Variants in PRICKLE2 observed in about 807,000 individuals in gnomAD.
The protein encoded by PRICKLE2 is prickle-like protein 2.
PRICKLE2 carries 21 observed loss-of-function variants against 81.4 expected under a neutral mutation model. The observed-to-expected ratio is 0.26, with a 90% CI of 0.18 to 0.37. The LOEUF (loss-of-function observed/expected upper bound fraction) is 0.37, where lower values mean the gene tolerates loss of function less well. Among genes scored for constraint, PRICKLE2 ranks in the 10% least tolerant of loss-of-function variants. The pLI is 1.00. For missense variants in PRICKLE2, 940 were observed against 1,109.0 expected (o/e 0.85, Z 2.16); for synonymous variants, 456 against 421.5 (o/e 1.08, Z -1.00).
intron 2 of PRICKLE2, among the ~76,000 whole-genome samples, chr3:64,235,174 T>G (rs2079162410): frequency 6.6e-6 from 1 of 152,222 alleles, no homozygotes; most frequent in African/African-American, 2.4e-5. Context: ...TCTAGTCAAT[T>G]TTTCATTCCA....
intron 1 of PRICKLE2, chr3:64,199,641 C>A (rs1473925856): frequency 6.6e-6 from 1 of 152,258 alleles, no homozygotes; most frequent in Non-Finnish European, 1.5e-5. Flanking sequence ...ACAAGAAGAT[C>A]ATGCATGTGA....
intron 2 of PRICKLE2, among the ~76,000 whole-genome samples, chr3:64,264,909 G>A (rs2079675297): frequency 1.3e-5 from 2 of 152,174 alleles, no homozygotes; most frequent in Admixed American, 1.3e-4. Flanking sequence ...TACACAGGCT[G>A]GCTGTTAAAA....
chr3:64,250,947 C>G (rs979173798), intron 2 of PRICKLE2, among the ~76,000 whole-genome samples: 1 of 152,198 alleles, frequency 6.6e-6, no homozygotes, highest in Admixed American at 6.5e-5. Flanking sequence ...TTTGCAGGAG[C>G]ACCCTCAGCC....
intron 2 of PRICKLE2, among the ~76,000 whole-genome samples, chr3:64,173,555 C>G (rs1020146948): frequency 6.6e-6 from 1 of 151,898 alleles, no homozygotes; most frequent in Non-Finnish European, 1.5e-5. Flanking sequence ...GAAAACTGAC[C>G]AATTGGCTCT....
intron 4 of PRICKLE2, 167 bp downstream of exon 4, chr3:64,159,773 C>A: frequency 1.3e-6 from 1 of 795,500 alleles, no homozygotes; most frequent in Non-Finnish European, 2.1e-6. Context: ...CTGACTTCCT[C>A]CCCTAGAATC....
chr3:64,185,277 A>T (rs1478292441), intron 2 of PRICKLE2, among the ~76,000 whole-genome samples: 1 of 152,126 alleles, frequency 6.6e-6, no homozygotes, highest in Non-Finnish European at 1.5e-5. Flanking sequence ...AGGGAAGTTA[A>T]TGTTTACAGA....
intron 2 of PRICKLE2, chr3:64,163,424 G>T: frequency 2.2e-6 from 1 of 458,648 alleles, no homozygotes; most frequent in Non-Finnish European, 4.0e-6. Flanking sequence ...TGAACCAGAG[G>T]GTAGGGCTTT....
intron 2 of PRICKLE2, among the ~76,000 whole-genome samples, chr3:64,251,777 C>T (rs1053355761): frequency 2.0e-5 from 3 of 152,170 alleles, no homozygotes; most frequent in Non-Finnish European, 2.9e-5. Context: ...TTGGGTTTTC[C>T]CTTGCTGCAG....
chr3:64,101,085 T>C (rs1575533798), intron 7 of PRICKLE2: 1 of 152,234 alleles, frequency 6.6e-6, no homozygotes, highest in African/African-American at 2.4e-5. Context: ...CATATACGTA[T>C]ATGAATTATA....
chr3:64,202,307 G>A (rs1392929879), intron 1 of PRICKLE2, among the ~76,000 whole-genome samples: 1 of 152,160 alleles, frequency 6.6e-6, no homozygotes, highest in Non-Finnish European at 1.5e-5. Flanking sequence ...AGTTTTGATA[G>A]AGATACACTG....
At chr3:64,234,712 T>A (rs1222962461) in intron 2 of PRICKLE2, among the ~76,000 whole-genome samples, 1 of 152,198 alleles carries the variant, frequency 6.6e-6, no homozygotes, top group Non-Finnish European at 1.5e-5. Flanking sequence ...CAGTTCCGCT[T>A]TTTAAGAGCA....
chr3:64,178,969 TTCTTTCTTTCTTTCTTTC>T (rs1184215473), intron 2 of PRICKLE2, among the ~76,000 whole-genome samples: 4 of 52,684 alleles, frequency 7.6e-5, no homozygotes, highest in East Asian at 1.3e-3. Context: ...CATATTTTCT[TTCTTTCTTTCTTTCTTTC>T]TTTCTTTCTT....
intron 6 of PRICKLE2, among the ~76,000 whole-genome samples, chr3:64,150,295 G>A (rs979474072): frequency 6.6e-6 from 1 of 152,072 alleles, no homozygotes; most frequent in Non-Finnish European, 1.5e-5. Context: ...CCAGCTGTGT[G>A]ACCCTAGGCA....
intron 7 of PRICKLE2, among the ~76,000 whole-genome samples, chr3:64,116,458 C>G (rs2076935534): frequency 6.6e-6 from 1 of 151,540 alleles, no homozygotes; most frequent in African/African-American, 2.4e-5. Flanking sequence ...ACTAGCTAGA[C>G]TAATAAGAAA....
At chr3:64,149,493 C>A (rs2077509944) in intron 6 of PRICKLE2, among the ~76,000 whole-genome samples, 1 of 152,212 alleles carries the variant, frequency 6.6e-6, no homozygotes, top group Admixed American at 6.5e-5. Flanking sequence ...TGGGGAGAGC[C>A]TGCTGGGAAT....
intron 2 of PRICKLE2, among the ~76,000 whole-genome samples, chr3:64,197,688 G>C (rs112783128): frequency 0.028 from 4,303 of 152,108 alleles, 87 homozygotes; most frequent in Non-Finnish European, 0.046. Flanking sequence ...ACACACACTG[G>C]GCCCTACCAC....
At chr3:64,189,045 T>C (rs2078286587) in intron 2 of PRICKLE2, among the ~76,000 whole-genome samples, 1 of 152,254 alleles carries the variant, frequency 6.6e-6, no homozygotes, top group Non-Finnish European at 1.5e-5. Flanking sequence ...TATTCACAGC[T>C]GTCCCCTAGT....
At chr3:64,115,154 G>A (rs1458585405) in intron 7 of PRICKLE2, among the ~76,000 whole-genome samples, 2 of 152,144 alleles carry the variant, frequency 1.3e-5, no homozygotes, top group African/African-American at 4.8e-5. Flanking sequence ...AAATGCTGAG[G>A]GAATTTGTTC....
intron 1 of PRICKLE2, among the ~76,000 whole-genome samples, chr3:64,210,054 CACT>C (rs1167906968): frequency 6.6e-6 from 1 of 152,158 alleles, no homozygotes; most frequent in Admixed American, 6.5e-5. Flanking sequence ...CCTCCTCCAC[CACT>C]GTCTAGATTA....
Sources: gnomAD v4.1 joint callset for allele counts (sites outside exome capture counted in the v4.1 genomes callset) on GRCh38, gnomAD v4.1.1 for gene constraint, MANE v1.5 for transcripts, NCBI Gene and HGNC (gene_info 2026-07-23, HGNC 2026-07-21) for gene names.